Variants in HIVEP3 observed in about 807,000 individuals in gnomAD.
The protein encoded by HIVEP3 is transcription factor HIVEP3.
HIVEP3 carries 49 observed loss-of-function variants against 152.8 expected under a neutral mutation model. The observed-to-expected ratio is 0.32, with a 90% CI of 0.26 to 0.41. HIVEP3 has a LOEUF of 0.41. HIVEP3 is among the 10% of genes least tolerant of loss of function. The probability of loss-of-function intolerance (pLI) is 1.00; values close to 1 mark genes in which losing one functional copy is unlikely to be tolerated. For missense variants in HIVEP3, 2,790 were observed against 3,103.3 expected, an observed-to-expected ratio of 0.90 and a Z score of 2.40; for synonymous variants, 1,269 against 1,289.0, an observed-to-expected ratio of 0.98 and a Z score of 0.33.
At chr1:41,656,194 T>C (rs527937954) in intron 2 of HIVEP3, among the ~76,000 whole-genome samples, 18 of 152,238 alleles carry the variant, frequency 1.2e-4, no homozygotes, top group African/African-American at 3.1e-4. Context: ...GAGTCCAGGC[T>C]AGAAAAAGCT....
At chr1:41,538,615 C>A (rs1044157588) in intron 5 of HIVEP3, among the ~76,000 whole-genome samples, 7 of 152,144 alleles carry the variant, frequency 4.6e-5, no homozygotes, top group Admixed American at 4.6e-4. Context: ...CGCCTTTATT[C>A]TACAGAATTG....
At chr1:41,890,096 C>T (rs1364798668) in intron 1 of HIVEP3, among the ~76,000 whole-genome samples, 1 of 152,184 alleles carries the variant, frequency 6.6e-6, no homozygotes, top group Non-Finnish European at 1.5e-5. Context: ...ATTCAATTAC[C>T]CTGTGCCTCA....
chr1:41,600,410 G>A (rs1251116718), intron 3 of HIVEP3, among the ~76,000 whole-genome samples: 1 of 152,154 alleles, frequency 6.6e-6, no homozygotes, highest in Non-Finnish European at 1.5e-5. Flanking sequence ...ATTCCATTGT[G>A]TGTATGAAAC....
Position 41,873,667 on chromosome 1 carries a change from A to G in HIVEP3, c.-801+44746T>C, listed in dbSNP as rs1404023530. Among the ~76,000 whole-genome samples, 1 of 152,222 alleles carries G rather than the reference A, an allele frequency of 6.6e-6. No homozygotes were observed. Among genetic ancestry groups the G allele is most frequent in the Non-Finnish European group, 1.5e-5 (1 of 68,046 alleles). ...TTATCTTGGTTTCTGAGGGAGAATC[A>G]ATTCTCTTTAACTCTCTTCCAGAAT... On this transcript the variant is annotated intron_variant, in intron 1 of 8. Coordinates refer to ENST00000372583, the MANE Select transcript of HIVEP3 (RefSeq NM_024503.5). This position sits in a 1 kb window ranked among gnomAD's most constrained non-coding sequence, Gnocchi z 4.2.
intron 2 of HIVEP3, among the ~76,000 whole-genome samples, chr1:41,687,043 G>A (rs1646125228): frequency 6.6e-6 from 1 of 152,180 alleles, no homozygotes; most frequent in African/African-American, 2.4e-5. Flanking sequence ...AGGAGGTGCT[G>A]CCATGTTAAG....
intron 6 of HIVEP3, among the ~76,000 whole-genome samples, chr1:41,520,898 A>ATGC: frequency 6.6e-6 from 1 of 152,308 alleles, no homozygotes; most frequent in Non-Finnish European, 1.5e-5. Flanking sequence ...GCTGTCTTGG[A>ATGC]TGCTGGCAGG....
chr1:41,761,614 T>C (rs530306998), intron 1 of HIVEP3, among the ~76,000 whole-genome samples: 225 of 152,346 alleles, frequency 1.5e-3, no homozygotes, highest in Admixed American at 4.3e-3. Flanking sequence ...GTTATGCTTA[T>C]GTAAGTGCAT....
intron 1 of HIVEP3, among the ~76,000 whole-genome samples, chr1:41,944,795 C>T (rs899251994): frequency 2.0e-5 from 3 of 152,150 alleles, no homozygotes; most frequent in Admixed American, 6.5e-5. Flanking sequence ...GACTAATGCT[C>T]ATCGGAAAAT....
chr1:41,723,494 A>AG (rs1205769215), intron 1 of HIVEP3, among the ~76,000 whole-genome samples: 4 of 123,298 alleles, frequency 3.2e-5, no homozygotes, highest in African/African-American at 1.6e-4. Context: ...ACACACACAC[A>AG]CAGCCACCAC....
At chr1:41,975,434 C>T (rs1388059261) in intron 1 of HIVEP3, among the ~76,000 whole-genome samples, 1 of 152,316 alleles carries the variant, frequency 6.6e-6, no homozygotes, top group African/African-American at 2.4e-5. Context: ...TCCAGGCAAG[C>T]TCCTATGGTA....
At chr1:41,991,480 A>G (rs879307152) in intron 1 of HIVEP3, among the ~76,000 whole-genome samples, 4 of 150,908 alleles carry the variant, frequency 2.7e-5, no homozygotes, top group South Asian at 2.1e-4. Flanking sequence ...GACCAATAAC[A>G]GGATCTGAAA....
intron 5 of HIVEP3, among the ~76,000 whole-genome samples, chr1:41,562,337 G>T (rs554008699): frequency 2.0e-5 from 3 of 152,314 alleles, no homozygotes; most frequent in Non-Finnish European, 4.4e-5. Context: ...TAGGCTCCTG[G>T]GGTCTGGGGG....
At chr1:41,592,769 A>T (rs1265687790) in intron 3 of HIVEP3, among the ~76,000 whole-genome samples, 3 of 152,238 alleles carry the variant, frequency 2.0e-5, no homozygotes, top group African/African-American at 7.2e-5. Context: ...TGGCTCACCT[A>T]TAACATTCTA....
At chr1:41,815,465 T>G (rs909964468) in intron 1 of HIVEP3, among the ~76,000 whole-genome samples, 29 of 151,980 alleles carry the variant, frequency 1.9e-4, no homozygotes, top group Admixed American at 1.4e-3. Flanking sequence ...AGTGAGACCC[T>G]GTCTCAAAAA....
At chr1:42,017,556 C>T (rs747821063) in intron 1 of HIVEP3, among the ~76,000 whole-genome samples, 1 of 152,062 alleles carries the variant, frequency 6.6e-6, no homozygotes, top group Non-Finnish European at 1.5e-5. Flanking sequence ...TTCTTTTTCT[C>T]AGCATTATGT....
In HIVEP3 at chr1:41,722,119, G is replaced by A. The variant is rs377204309; in HGVS notation, c.-800-21124C>T. 1.2e-4 allele frequency among the ~76,000 whole-genome samples: 18 copies of A among 152,252 alleles called. 1 individual carries two copies. The highest frequency in any genetic ancestry group is 8.5e-4 in the Admixed American group (13 of 15,300). ...ATCTCTACCTCCCCACCTGACCCTAGTAGGGTCTTCTTCCTCCCTCATGCA... is the reference window on the plus strand; with the variant it reads ...ATCTCTACCTCCCCACCTGACCCTAATAGGGTCTTCTTCCTCCCTCATGCA... On this transcript the variant is annotated intron_variant, in intron 1 of 8. Coordinates refer to ENST00000372583, the MANE Select transcript of HIVEP3 (RefSeq NM_024503.5).
At chr1:41,545,629 C>G (rs1569853665) in intron 5 of HIVEP3, among the ~76,000 whole-genome samples, 2 of 132,858 alleles carry the variant, frequency 1.5e-5, no homozygotes, top group Non-Finnish European at 3.1e-5. Context: ...ACCATCACCA[C>G]CACCATCACC....
Position 41,675,983 on chromosome 1 carries a change from C to T in HIVEP3, c.-721+24933G>A, listed in dbSNP as rs147016968. 7.9e-3 allele frequency among the ~76,000 whole-genome samples: 1,207 copies of T among 152,164 alleles called. 15 individuals carry two copies. The highest frequency in any genetic ancestry group is 0.027 in the African/African-American group (1,141 of 41,500). On this transcript the variant is annotated intron_variant, in intron 2 of 8. Coordinates refer to ENST00000372583, the MANE Select transcript of HIVEP3 (RefSeq NM_024503.5). ...GGACAGCTGGGGAACTGCCAATGGC[C>T]GGGCAACATCTAATGCCACATCACC...
chr1:41,560,140 A>G (rs1032802971), intron 5 of HIVEP3, among the ~76,000 whole-genome samples: 1 of 152,210 alleles, frequency 6.6e-6, no homozygotes, highest in Non-Finnish European at 1.5e-5. Flanking sequence ...AATTCAGAAA[A>G]AGAGGTCAAC....
Sources: allele counts gnomAD v4.1 joint callset (sites outside exome capture counted in the v4.1 genomes callset), GRCh38; gene constraint gnomAD v4.1.1; non-coding constraint Gnocchi (gnomAD v3.1); transcripts MANE v1.5; gene names NCBI Gene and HGNC (gene_info 2026-07-23, HGNC 2026-07-21).